Variants in NAV2 observed in about 807,000 individuals in gnomAD.
The protein encoded by NAV2 is helicase, APC down-regulated 1.
A neutral mutation model predicts 223.2 loss-of-function variants in NAV2; 54 were observed. The ratio of observed to expected loss-of-function variants is 0.24; its 90% CI spans 0.19 to 0.30. The LOEUF (loss-of-function observed/expected upper bound fraction) is 0.30, where lower values mean the gene tolerates loss of function less well. Ranked by LOEUF, NAV2 falls within the 10% of genes least tolerant of loss-of-function variation. The pLI is 1.00. For synonymous variants in NAV2, 1,279 were observed against 1,239.3 expected (o/e 1.03, Z -0.67); for missense variants, 2,806 against 3,147.5 (o/e 0.89, Z 2.60).
chr11:19,605,568 T>A (rs2129541), intron 1 of NAV2, among the ~76,000 whole-genome samples: 151,796 of 151,840 alleles, frequency 1, 75,876 homozygotes, highest in Non-Finnish European at 1. Flanking sequence ...CATGAAAAGC[T>A]GCATAAGCTC....
intron 1 of NAV2, among the ~76,000 whole-genome samples, chr11:19,447,624 C>T (rs1231787183): frequency 2.0e-5 from 3 of 152,212 alleles, no homozygotes; most frequent in Non-Finnish European, 4.4e-5. Flanking sequence ...TCTTACAACA[C>T]TATGACATAG....
chr11:20,034,526 T>G (rs2056164568), intron 11 of NAV2, among the ~76,000 whole-genome samples: 1 of 152,060 alleles, frequency 6.6e-6, no homozygotes, highest in Non-Finnish European at 1.5e-5. Context: ...ATTATAGGCA[T>G]GTGCCACCAC....
intron 10 of NAV2, among the ~76,000 whole-genome samples, chr11:19,952,740 T>TGGTGTGTG (rs1741538119): frequency 6.6e-6 from 1 of 152,136 alleles, no homozygotes; most frequent in African/African-American, 2.4e-5. Context: ...TTTTCTGTAC[T>TGGTGTGTG]GGTGTGTGCA....
chr11:19,553,119 T>G (rs187244165), intron 1 of NAV2, among the ~76,000 whole-genome samples: 1 of 152,196 alleles, frequency 6.6e-6, no homozygotes, highest in Non-Finnish European at 1.5e-5. Flanking sequence ...GGCATTCCTG[T>G]TCCCTTGCAA....
intron 6 of NAV2, among the ~76,000 whole-genome samples, chr11:19,916,936 G>T (rs2043854487): frequency 6.6e-6 from 1 of 152,228 alleles, no homozygotes; most frequent in Admixed American, 6.5e-5. Context: ...GATAGAGAAT[G>T]GGGAGATGAG....
chr11:19,572,316 T>C (rs868070272), intron 1 of NAV2, among the ~76,000 whole-genome samples: 1 of 152,214 alleles, frequency 6.6e-6, no homozygotes, highest in Non-Finnish European at 1.5e-5. Context: ...CCCTTCTTAT[T>C]TGGCAGACGG....
chr11:19,692,699 T>C (rs189800976), intron 1 of NAV2, among the ~76,000 whole-genome samples: 1 of 152,346 alleles, frequency 6.6e-6, no homozygotes, highest in Admixed American at 6.5e-5. Flanking sequence ...GCAATTATAC[T>C]TCATTCATTC....
chr11:19,684,749 C>T (rs2048974288), intron 1 of NAV2, among the ~76,000 whole-genome samples: 2 of 152,166 alleles, frequency 1.3e-5, no homozygotes, highest in East Asian at 3.9e-4. Context: ...CATCATATTT[C>T]CAGCCCTTCC....
intron 11 of NAV2, among the ~76,000 whole-genome samples, chr11:20,022,272 TA>T (rs1242728144): frequency 1.3e-5 from 2 of 152,226 alleles, no homozygotes; most frequent in Non-Finnish European, 2.9e-5. Flanking sequence ...GTGCCTTGAT[TA>T]CAGGTTTTAA....
At chr11:19,549,670 T>C (rs1031704134) in intron 1 of NAV2, among the ~76,000 whole-genome samples, 1 of 152,374 alleles carries the variant, frequency 6.6e-6, no homozygotes, top group East Asian at 1.9e-4. Flanking sequence ...AGGGGGCTCC[T>C]GCAGCAGAAT....
At chr11:20,113,820 G>A (rs1277272714) in intron 36 of NAV2, among the ~76,000 whole-genome samples, 1 of 151,996 alleles carries the variant, frequency 6.6e-6, no homozygotes, top group Non-Finnish European at 1.5e-5. Flanking sequence ...ACCAGCCTGG[G>A]CAATATAGAG....
chr11:19,631,009 TTG>T, intron 1 of NAV2, among the ~76,000 whole-genome samples: 1 of 151,148 alleles, frequency 6.6e-6, no homozygotes, highest in South Asian at 2.1e-4. Context: ...AAGCAGTGTT[TTG>T]TTTTGTTTTT....
At chr11:19,906,247 T>C (rs1024955723) in intron 6 of NAV2, among the ~76,000 whole-genome samples, 1 of 152,052 alleles carries the variant, frequency 6.6e-6, no homozygotes, top group African/African-American at 2.4e-5. Flanking sequence ...AGGCAGAGAG[T>C]TGAAATGTAC....
chr11:19,622,110 G>A (rs1398554354), intron 1 of NAV2, among the ~76,000 whole-genome samples: 1 of 152,172 alleles, frequency 6.6e-6, no homozygotes, highest in Non-Finnish European at 1.5e-5. Context: ...ATGGCACTGT[G>A]GTCTGAGAGA....
At chr11:19,905,776 C>A (rs542437153) in intron 6 of NAV2, among the ~76,000 whole-genome samples, 12 of 152,296 alleles carry the variant, frequency 7.9e-5, no homozygotes, top group Non-Finnish European at 1.6e-4. Context: ...CAAGCTTTTG[C>A]TCTTTTAGCC....
chr11:20,115,274 A>G (rs1385328863), intron 37 of NAV2, among the ~76,000 whole-genome samples: 1 of 152,124 alleles, frequency 6.6e-6, no homozygotes, highest in African/African-American at 2.4e-5. Context: ...GGCCATTGAG[A>G]TGAGCTAAGT....
intron 1 of NAV2, among the ~76,000 whole-genome samples, chr11:19,692,550 T>G (rs1366654353): frequency 6.6e-6 from 1 of 152,226 alleles, no homozygotes; most frequent in Non-Finnish European, 1.5e-5. Flanking sequence ...TTTGAGTCCT[T>G]GTTGTTGCAA....
intron 4 of NAV2, among the ~76,000 whole-genome samples, chr11:19,869,415 A>G (rs1426235727): frequency 2.0e-5 from 3 of 152,308 alleles, no homozygotes; most frequent in Non-Finnish European, 4.4e-5. Context: ...TTATTCGAGG[A>G]AGCAGCACTT....
In NAV2 at chr11:19,713,695, G is replaced by A; in HGVS notation, c.-1G>A. On this transcript the variant is annotated 5_prime_UTR_variant, in exon 1 of 38. Transcript: ENST00000349880. The surrounding 1 kb of genome is among the most constrained non-coding windows in gnomAD (Gnocchi z 7.2). The stretch of plus-strand genomic sequence containing the variant: ...TGGGAAAGCCCAAGCCCCGGGAGAA[G>A]ATGCCGGCCATCCTGGTCGCCTCCA... 6.4e-7 allele frequency: 1 copy of A among 1,557,866 alleles called. No homozygotes were observed. The highest frequency in any genetic ancestry group is 8.7e-7 in the Non-Finnish European group (1 of 1,149,002).
Sources: allele counts gnomAD v4.1 joint callset (sites outside exome capture counted in the v4.1 genomes callset), GRCh38; gene constraint gnomAD v4.1.1; non-coding constraint Gnocchi (gnomAD v3.1); transcripts MANE v1.5; gene names NCBI Gene and HGNC (gene_info 2026-07-23, HGNC 2026-07-21).